The following RGP1 variants were observed in gnomAD, a reference collection of about 807,000 sequenced individuals.
RGP1 encodes RAB6A-GEF complex partner protein 2.
Under a neutral mutation model 44.5 loss-of-function variants are expected in RGP1, and 28 were observed. That is an observed-to-expected ratio of 0.63 (90% CI 0.47 to 0.86). RGP1 has a LOEUF of 0.86. Ranked by LOEUF, RGP1 falls within the 40% of genes least tolerant of loss-of-function variation. The pLI is 0.00. For missense variants in RGP1, 417 were observed against 490.7 expected (o/e 0.85, Z 1.42); for synonymous variants, 212 against 196.7 (o/e 1.08, Z -0.65).
the RGP1 span, among the ~76,000 whole-genome samples, chr9:35,788,366 C>T: frequency 6.6e-6 from 1 of 151,956 alleles, no homozygotes; most frequent in Non-Finnish European, 1.5e-5. Flanking sequence ...GTCAGGAGTT[C>T]GAGACCAGCT....
Position 35,753,898 on chromosome 9 carries a change from G to A in RGP1, c.*1024G>A. On this transcript the variant is annotated 3_prime_UTR_variant, in exon 9 of 9. Transcript: ENST00000378078. The surrounding 1 kb of genome is among the most constrained non-coding windows in gnomAD (Gnocchi z 4.2). ...AGTTTGTCTTTCCTGTTTCACAGCT[G>A]GAGGAAGCCTGGGTATTTTGACACG... is the stretch of plus-strand genomic sequence containing the variant. 6.4e-7 allele frequency: 1 copy of A among 1,551,280 alleles called. No homozygotes were observed. Among genetic ancestry groups the A allele is most frequent in the Admixed American group, 1.8e-5 (1 of 56,094 alleles).
chr9:35,762,016 G>A (rs1827422331), downstream of RGP1, among the ~76,000 whole-genome samples: 2 of 152,022 alleles, frequency 1.3e-5, no homozygotes, highest in Admixed American at 1.3e-4. Flanking sequence ...AATTATCCAG[G>A]CATGTTGGCA....
chr9:35,764,502 T>A, the RGP1 span, among the ~76,000 whole-genome samples: 2 of 152,246 alleles, frequency 1.3e-5, no homozygotes, highest in African/African-American at 4.8e-5. Context: ...AATACTTTTT[T>A]CAACTTTATT....
chr9:35,788,089 G>A, the RGP1 span, among the ~76,000 whole-genome samples: 22 of 152,326 alleles, frequency 1.4e-4, no homozygotes, highest in East Asian at 3.9e-3. Context: ...AGCCTATCAC[G>A]AAAATTAGCA....
At chr9:35,764,701 C>T in the RGP1 span, among the ~76,000 whole-genome samples, 1 of 152,222 alleles carries the variant, frequency 6.6e-6, no homozygotes, top group Non-Finnish European at 1.5e-5. Context: ...GCAATCCACA[C>T]TGATCTGGTT....
the RGP1 span, among the ~76,000 whole-genome samples, chr9:35,789,108 C>T: frequency 3.9e-4 from 55 of 141,252 alleles, no homozygotes; most frequent in African/African-American, 1.6e-3. Flanking sequence ...ATGTCCGCCT[C>T]CCAGATTCAA....
the RGP1 span, among the ~76,000 whole-genome samples, chr9:35,774,734 C>T: frequency 6.7e-6 from 1 of 149,624 alleles, no homozygotes; most frequent in Admixed American, 6.6e-5. Context: ...AAAAACAAAA[C>T]AAAAAAAAAC....
the RGP1 span, among the ~76,000 whole-genome samples, chr9:35,789,131 C>T: frequency 2.6e-5 from 4 of 152,136 alleles, no homozygotes; most frequent in Non-Finnish European, 5.9e-5. Flanking sequence ...GGTTTTCCTG[C>T]CCCAGCCTCC....
chr9:35,751,193 A>T (rs1231197425), intron 5 of RGP1, 73 bp from the exon 6 acceptor site: 2 of 1,558,794 alleles, frequency 1.3e-6, no homozygotes, highest in Non-Finnish European at 1.8e-6. Flanking sequence ...CTCATGTTAG[A>T]ATCTAAAACC....
chr9:35,763,881 CAAAAAAAAA>C, the RGP1 span, among the ~76,000 whole-genome samples: 1 of 81,988 alleles, frequency 1.2e-5, no homozygotes, highest in African/African-American at 5.5e-5. Flanking sequence ...GACTCCATCT[CAAAAAAAAA>C]AAAAAAAAAA....
the RGP1 span, among the ~76,000 whole-genome samples, chr9:35,767,690 A>G: frequency 1.1e-3 from 174 of 152,272 alleles, no homozygotes; most frequent in African/African-American, 3.9e-3. Context: ...TGATTCCTTT[A>G]TCATCTATCC....
At chr9:35,752,481 G>A (rs1827283164) in intron 8 of RGP1, among the ~76,000 whole-genome samples, 170 bp from the exon 9 acceptor site, 1 of 152,134 alleles carries the variant, frequency 6.6e-6, no homozygotes, top group Non-Finnish European at 1.5e-5. Context: ...CACATCTGTG[G>A]TAGTACCCAT....
the RGP1 span, among the ~76,000 whole-genome samples, chr9:35,768,103 A>ATT: frequency 7.4e-6 from 1 of 135,608 alleles, no homozygotes. Context: ...GCCTGGCCAG[A>ATT]TTTTTTTTTT....
the RGP1 span, among the ~76,000 whole-genome samples, chr9:35,779,569 A>T: frequency 1.3e-5 from 2 of 152,202 alleles, no homozygotes. Flanking sequence ...ACTGAGGAAG[A>T]TCGCCGGGCT....
the RGP1 span, among the ~76,000 whole-genome samples, chr9:35,782,879 G>C: frequency 6.6e-6 from 1 of 151,036 alleles, no homozygotes; most frequent in Non-Finnish European, 1.5e-5. Flanking sequence ...TGTGATCTCG[G>C]CTCACTGCAA....
In RGP1 at chr9:35,751,297, G is replaced by A. The variant is rs1285650634; in HGVS notation, c.519G>A (p.Glu173=). The A allele has an allele frequency of 1.2e-6, 2 of 1,613,892 alleles. No homozygotes were observed. Among genetic ancestry groups the A allele is most frequent in the Admixed American group, 1.7e-5 (1 of 60,006 alleles). The change falls in exon 6 of 9, where the codon GAG becomes GAA. Residue 173 remains glutamate, a synonymous_variant. Coordinates refer to ENST00000378078, the MANE Select transcript of RGP1 (RefSeq NM_001080496.3). ...AGGATGTCCGGTTTCCCCAGGATGA[G>A]GCTGTAGCCCCATCCAGTCCATTCT... The part of the protein sequence containing the change: ...GLQDVRFPQD[E]AVAPSSPFLE...
chr9:35,751,576 G>A, intron 6 of RGP1, 51 bp from the exon 7 acceptor site: 1 of 1,612,784 alleles, frequency 6.2e-7, no homozygotes, highest in South Asian at 1.1e-5. Context: ...CCCAGTCCTA[G>A]ACGTTATCCA....
At chr9:35,787,468 G>C in the RGP1 span, among the ~76,000 whole-genome samples, 2 of 152,230 alleles carry the variant, frequency 1.3e-5, no homozygotes, top group South Asian at 2.1e-4. Context: ...TACCTCAGGA[G>C]ATCTGCCTGC....
the RGP1 span, among the ~76,000 whole-genome samples, chr9:35,787,095 GT>G: frequency 7.2e-6 from 1 of 138,454 alleles, no homozygotes; most frequent in South Asian, 2.3e-4. Flanking sequence ...GTAAGACTCT[GT>G]CAAAAAAAAA....
Sources: allele counts gnomAD v4.1 joint callset (sites outside exome capture counted in the v4.1 genomes callset), GRCh38; gene constraint gnomAD v4.1.1; non-coding constraint Gnocchi (gnomAD v3.1); transcripts MANE v1.5; gene names NCBI Gene and HGNC (gene_info 2026-07-23, HGNC 2026-07-21).